CHD5: variants seen among roughly 807,000 people sequenced by gnomAD.
CHD5 encodes ATP-dependent chromatin remodeler CHD5.
In CHD5, 69 loss-of-function variants were observed where a neutral mutation model predicts 230.3. That is an observed-to-expected ratio of 0.30 (90% CI 0.25 to 0.37). The LOEUF is 0.37. Ranked by LOEUF, CHD5 falls within the 10% of genes least tolerant of loss-of-function variation. CHD5 has a pLI of 1.00. For missense variants in CHD5, 1,827 were observed against 2,622.8 expected (o/e 0.70, Z 6.63); for synonymous variants, 1,064 against 1,065.9 (o/e 1.00, Z 0.03).
chr1:6,150,264 T>C (rs369407089), intron 7 of CHD5, among the ~76,000 whole-genome samples: 45 of 148,418 alleles, frequency 3.0e-4, no homozygotes, highest in African/African-American at 1.1e-3. Flanking sequence ...GGACAATGGA[T>C]GGATGGATGA....
In CHD5 at chr1:6,152,441, T is replaced by TC; in HGVS notation, c.840dup (p.Ile281AspfsTer12). 1 of 1,614,090 alleles carries TC rather than the reference T, an allele frequency of 6.2e-7. No homozygotes were observed. The highest frequency in any genetic ancestry group is 8.5e-7 in the Non-Finnish European group (1 of 1,180,000). On this transcript the variant is annotated frameshift_variant, in exon 6 of 42. Transcript: ENST00000262450. LOFTEE classifies it high-confidence loss of function. ...GAGCCTTTCTTCCTCTTGTTGCTGA[T>TC]CCCCCCGAAGCGGAACTTGAGCCCG... is the stretch of plus-strand genomic sequence containing the variant.
At chr1:6,174,080 G>A (rs1322888637) in intron 1 of CHD5, among the ~76,000 whole-genome samples, 2 of 151,934 alleles carry the variant, frequency 1.3e-5, no homozygotes, top group Non-Finnish European at 2.9e-5. Flanking sequence ...GAGAGGCCCA[G>A]GGCATGGGTG....
chr1:6,151,789 C>T (rs1298238525), intron 6 of CHD5, among the ~76,000 whole-genome samples: 3 of 120,968 alleles, frequency 2.5e-5, no homozygotes, highest in African/African-American at 8.3e-5. Flanking sequence ...CTTCCAACTC[C>T]ACCCACCGCA....
In CHD5 at chr1:6,104,208, A is replaced by C. The variant is rs892565775; in HGVS notation, c.*1266T>G. ...CCGGGGGAGTGGGTGGGATTCCAAC[A>C]ACCCACATGTGGGAAGATGGTTTTG... On this transcript the variant is annotated 3_prime_UTR_variant, in exon 42 of 42. Transcript: ENST00000262450. 2 of 152,186 alleles carry C rather than the reference A, an allele frequency of 1.3e-5. No individual in the cohort carries two copies. Among genetic ancestry groups the C allele is most frequent in the Non-Finnish European group, 1.5e-5 (1 of 68,072 alleles). The allele number at this position is 152,186 out of a possible 1,614,324, so 9.4% of individuals were successfully genotyped here.
In CHD5 at chr1:6,130,947, C is replaced by G. The variant is rs926238529; in HGVS notation, c.3263-619G>C. On this transcript the variant is annotated intron_variant, in intron 21 of 41. Transcript: ENST00000262450. The surrounding 1 kb of genome is among the most constrained non-coding windows in gnomAD (Gnocchi z 4.9). ...CACGTCTAGACCCTGAAACTCTGAA[C>G]TTGCTATTCCTCCTGGCTCTCTGGC... Among the ~76,000 whole-genome samples, 8 of 152,284 alleles carry G rather than the reference C, an allele frequency of 5.3e-5. No individual in the cohort carries two copies. The highest frequency in any genetic ancestry group is 4.4e-5 in the Non-Finnish European group (3 of 68,044).
chr1:6,161,476 T>C (rs1667176715), intron 2 of CHD5, among the ~76,000 whole-genome samples: 1 of 152,200 alleles, frequency 6.6e-6, no homozygotes, highest in East Asian at 1.9e-4. Flanking sequence ...TCTTAGCCCA[T>C]TAAGCCTCCA....
intron 31 of CHD5, among the ~76,000 whole-genome samples, chr1:6,122,897 C>T (rs966922457): frequency 2.6e-5 from 4 of 152,048 alleles, no homozygotes; most frequent in African/African-American, 9.7e-5. Flanking sequence ...TGGCGAAACC[C>T]CGTCTCTACT....
At chr1:6,152,652 C>T (rs1667024232) in intron 5 of CHD5, 116 bp from the exon 6 acceptor site, 2 of 1,520,638 alleles carry the variant, frequency 1.3e-6, no homozygotes, top group Admixed American at 1.9e-5. Flanking sequence ...CTACCATCAC[C>T]CCGTTTCAGA....
chr1:6,167,566 C>T lies in CHD5; in HGVS notation c.207+584G>A, dbSNP rs1260873212. Reference sequence around the variant, plus strand: ...GCTGATCATGAGGATCAAGTGAGCCCGCGTGAAGCACAGAGAAGCACACTC... The same window carrying T: ...GCTGATCATGAGGATCAAGTGAGCCTGCGTGAAGCACAGAGAAGCACACTC... On this transcript the variant is annotated intron_variant, in intron 2 of 41. Transcript: ENST00000262450. The surrounding 1 kb of genome is among the most constrained non-coding windows in gnomAD (Gnocchi z 4.5). 1.3e-5 allele frequency among the ~76,000 whole-genome samples: 2 copies of T among 152,144 alleles called. No homozygotes were observed. Among genetic ancestry groups the T allele is most frequent in the African/African-American group, 2.4e-5 (1 of 41,412 alleles).
At chr1:6,111,274 C>A (rs1048364094) in intron 36 of CHD5, among the ~76,000 whole-genome samples, 7 of 151,262 alleles carry the variant, frequency 4.6e-5, no homozygotes, top group African/African-American at 1.7e-4. Context: ...TGGCTGACGC[C>A]TGTAATCTCA....
chr1:6,148,790 T>TGGGGGCGGGGCCTGTTCCTGGGG, intron 9 of CHD5, 64 bp downstream of exon 9: 1 of 1,111,728 alleles, frequency 9.0e-7, no homozygotes, highest in African/African-American at 3.6e-5. Flanking sequence ...GGCCTTCCCC[T>TGGGGGCGGGGCCTGTTCCTGGGG]GGGGGCGGGG....
Position 6,155,515 on chromosome 1 carries a change from G to A in CHD5, c.506+84C>T. 1.6e-6 allele frequency: 2 copies of A among 1,217,512 alleles called. No homozygotes were observed. Among genetic ancestry groups the A allele is most frequent in the South Asian group, 1.2e-5 (1 of 80,100 alleles). The allele number at this position is 1,217,512 out of a possible 1,614,324, so 75.4% of individuals were successfully genotyped here. The stretch of plus-strand genomic sequence containing the variant: ...GAGCCCACCCCTACCCCAGGTGCCG[G>A]GGCTTCACTCCTCTGCCTCCCTCCC... On this transcript the variant is annotated intron_variant, in intron 4 of 41. Coordinates refer to ENST00000262450, the MANE Select transcript of CHD5 (RefSeq NM_015557.3). This position sits in a 1 kb window ranked among gnomAD's most constrained non-coding sequence, Gnocchi z 4.0.
At position 6,142,664 on chromosome 1, in the gene CHD5, T is replaced by C. The variant is rs1666847060; in HGVS notation, c.2044-59A>G. 2 of 1,527,582 alleles carry C rather than the reference T, an allele frequency of 1.3e-6. No homozygotes were observed. The highest frequency in any genetic ancestry group is 1.2e-5 in the South Asian group (1 of 81,584). 94.6% of individuals were successfully genotyped at this position (1,527,582 alleles called of 1,614,324 possible). A position where few individuals can be genotyped will look rare whatever the true frequency, so the allele number is the denominator to read the frequency against. On this transcript the variant is annotated intron_variant, in intron 13 of 41. Transcript: ENST00000262450. This position sits in a 1 kb window ranked among gnomAD's most constrained non-coding sequence, Gnocchi z 5.2. Reference sequence around the variant, plus strand: ...GATCCTGGGCCACCAGAGTCCACACTACAGGCCTTTGCACATGCAATTCCT... The same window carrying C: ...GATCCTGGGCCACCAGAGTCCACACCACAGGCCTTTGCACATGCAATTCCT...
At position 6,155,377 on chromosome 1, in the gene CHD5, G is replaced by T. The variant is rs1434507406; in HGVS notation, c.506+222C>A. ...CTGGAACCACCTTCCCCAAGGGGAAGAGACTCAAGGGCTGAGGGGCAGGGC... is the reference window on the plus strand; with the variant it reads ...CTGGAACCACCTTCCCCAAGGGGAATAGACTCAAGGGCTGAGGGGCAGGGC... On this transcript the variant is annotated intron_variant, in intron 4 of 41. Coordinates refer to ENST00000262450, the MANE Select transcript of CHD5 (RefSeq NM_015557.3). The surrounding 1 kb of genome is among the most constrained non-coding windows in gnomAD (Gnocchi z 4.0). Among the ~76,000 whole-genome samples the T allele has an allele frequency of 6.6e-6, 1 of 152,208 alleles. No individual in the cohort carries two copies. Among genetic ancestry groups the T allele is most frequent in the Non-Finnish European group, 1.5e-5 (1 of 68,032 alleles).
intron 1 of CHD5, among the ~76,000 whole-genome samples, chr1:6,173,443 C>T (rs1371939926): frequency 2.6e-5 from 4 of 151,920 alleles, no homozygotes; most frequent in Admixed American, 2.6e-4. Flanking sequence ...ACTCCCCAAC[C>T]AGCAACAAGC....
At position 6,134,262 on chromosome 1, in the gene CHD5, G is replaced by A; in HGVS notation, c.3013-3C>T. 2.5e-6 allele frequency: 4 copies of A among 1,612,192 alleles called. No individual in the cohort carries two copies. Among genetic ancestry groups the A allele is most frequent in the Non-Finnish European group, 3.4e-6 (4 of 1,179,894 alleles). ...CCATTGGGCAAGACAGGGGCCTCCTGCAGACACAGCAGGAGGTGGGGCATT... is the reference window on the plus strand; with the variant it reads ...CCATTGGGCAAGACAGGGGCCTCCTACAGACACAGCAGGAGGTGGGGCATT... On this transcript the variant is annotated splice_region_variant and splice_polypyrimidine_tract_variant and intron_variant, in intron 19 of 41. Transcript: ENST00000262450. This position sits in a 1 kb window ranked among gnomAD's most constrained non-coding sequence, Gnocchi z 6.3.
chr1:6,169,530 G>A (rs1667304630), intron 1 of CHD5, among the ~76,000 whole-genome samples: 1 of 152,258 alleles, frequency 6.6e-6, no homozygotes, highest in South Asian at 2.1e-4. Flanking sequence ...TGGGACGGCA[G>A]TAGCCTGGGG....
At chr1:6,162,332 GC>G (rs1320848761) in intron 2 of CHD5, among the ~76,000 whole-genome samples, 1 of 151,842 alleles carries the variant, frequency 6.6e-6, no homozygotes, top group Non-Finnish European at 1.5e-5. Context: ...GTTGCAGTGA[GC>G]CGAGATCGCA....
chr1:6,125,355 A>C lies in CHD5; in HGVS notation c.4261-122T>G. ...GGTAGGAAGGGGGCACAGAGAAGGCAGGGGCCTCCACCTGGGGCAGGACCC... is the reference window on the plus strand; with the variant it reads ...GGTAGGAAGGGGGCACAGAGAAGGCCGGGGCCTCCACCTGGGGCAGGACCC... On this transcript the variant is annotated intron_variant, in intron 28 of 41. Transcript: ENST00000262450. This position sits in a 1 kb window ranked among gnomAD's most constrained non-coding sequence, Gnocchi z 6.7. 1 of 1,212,886 alleles carries C rather than the reference A, an allele frequency of 8.2e-7. No homozygotes were observed. The highest frequency in any genetic ancestry group is 1.5e-5 in the African/African-American group (1 of 66,366). 75.1% of individuals were successfully genotyped at this position (1,212,886 alleles called of 1,614,324 possible).
Sources: allele counts gnomAD v4.1 joint callset (sites outside exome capture counted in the v4.1 genomes callset), GRCh38; gene constraint gnomAD v4.1.1; non-coding constraint Gnocchi (gnomAD v3.1); transcripts MANE v1.5; gene names NCBI Gene and HGNC (gene_info 2026-07-23, HGNC 2026-07-21).